ERBB4: variants seen among roughly 807,000 people sequenced by gnomAD.
The protein encoded by ERBB4 is erb-b2 receptor tyrosine kinase 4, also known as receptor tyrosine-protein kinase erbB-4.
In ERBB4, 42 loss-of-function variants were observed where a neutral mutation model predicts 158.0. That is an observed-to-expected ratio of 0.27 (90% CI 0.21 to 0.34). The LOEUF is 0.34. Among genes scored for constraint, ERBB4 ranks in the 10% least tolerant of loss-of-function variants. ERBB4 has a pLI of 1.00. For synonymous variants in ERBB4, 583 were observed against 558.7 expected, an observed-to-expected ratio of 1.04 and a Z score of -0.61; for missense variants, 1,333 against 1,624.1, an observed-to-expected ratio of 0.82 and a Z score of 3.08.
At chr2:211,619,008 A>T (rs899905655) in intron 19 of ERBB4, among the ~76,000 whole-genome samples, 169 bp downstream of exon 19, 3 of 152,158 alleles carry the variant, frequency 2.0e-5, no homozygotes, top group African/African-American at 7.2e-5. Flanking sequence ...TGATCTAAAA[A>T]GTATAATACA....
chr2:212,171,290 C>G (rs886677688), intron 1 of ERBB4, among the ~76,000 whole-genome samples: 2 of 151,420 alleles, frequency 1.3e-5, no homozygotes, highest in Non-Finnish European at 1.5e-5. Flanking sequence ...ATCCAATGCC[C>G]ATACCCCCAT....
At chr2:212,510,232 T>TATATAA (rs1442208413) in intron 1 of ERBB4, among the ~76,000 whole-genome samples, 3 of 144,508 alleles carry the variant, frequency 2.1e-5, no homozygotes, top group African/African-American at 5.1e-5. Context: ...TATATATATA[T>TATATAA]AACTACTCCC....
At chr2:211,719,383 A>G (rs961375308) in intron 7 of ERBB4, among the ~76,000 whole-genome samples, 3 of 152,128 alleles carry the variant, frequency 2.0e-5, no homozygotes, top group African/African-American at 7.2e-5. Flanking sequence ...TTTCCAAGTA[A>G]CCACCTTTTT....
chr2:211,512,131 C>A (rs1038472965), intron 20 of ERBB4, among the ~76,000 whole-genome samples: 2 of 152,112 alleles, frequency 1.3e-5, no homozygotes, highest in African/African-American at 4.8e-5. Flanking sequence ...AAACTGGCAA[C>A]ATTCAATTTG....
At chr2:211,989,839 T>C (rs1339219385) in intron 2 of ERBB4, among the ~76,000 whole-genome samples, 1 of 152,056 alleles carries the variant, frequency 6.6e-6, no homozygotes, top group Non-Finnish European at 1.5e-5. Flanking sequence ...TCCACCCATG[T>C]CTTACTTGAA....
At chr2:211,563,075 G>A (rs1454139199) in intron 19 of ERBB4, among the ~76,000 whole-genome samples, 3 of 152,110 alleles carry the variant, frequency 2.0e-5, no homozygotes, top group Non-Finnish European at 4.4e-5. Context: ...AGAAAACTGA[G>A]TTATAATTTT....
chr2:211,608,809 T>C (rs1015184857), intron 19 of ERBB4, among the ~76,000 whole-genome samples: 2 of 152,146 alleles, frequency 1.3e-5, no homozygotes, highest in African/African-American at 2.4e-5. Context: ...AGGATATTAG[T>C]GCAAATAAAA....
At chr2:212,035,635 A>C (rs1236952866) in intron 2 of ERBB4, among the ~76,000 whole-genome samples, 1 of 152,156 alleles carries the variant, frequency 6.6e-6, no homozygotes, top group East Asian at 1.9e-4. Context: ...TTAGACCATA[A>C]AATCTTTGAT....
At chr2:211,628,944 G>A (rs1440986548) in intron 17 of ERBB4, among the ~76,000 whole-genome samples, 1 of 152,132 alleles carries the variant, frequency 6.6e-6, no homozygotes, top group Non-Finnish European at 1.5e-5. Context: ...TTTTTCATGT[G>A]TCTTTTGGCT....
intron 20 of ERBB4, among the ~76,000 whole-genome samples, chr2:211,561,597 C>A (rs935468854): frequency 2.6e-5 from 4 of 152,182 alleles, no homozygotes; most frequent in Non-Finnish European, 5.9e-5. Context: ...GTTAACTAGA[C>A]TATACCGAAA....
intron 14 of ERBB4, among the ~76,000 whole-genome samples, chr2:211,666,811 CATT>C (rs1192210346): frequency 2.0e-5 from 3 of 152,132 alleles, no homozygotes; most frequent in Non-Finnish European, 4.4e-5. Flanking sequence ...GTTCAACAAT[CATT>C]ATAGTTCACA....
At chr2:212,289,262 A>G (rs968912683) in intron 1 of ERBB4, among the ~76,000 whole-genome samples, 1 of 152,202 alleles carries the variant, frequency 6.6e-6, no homozygotes, top group African/African-American at 2.4e-5. Context: ...TTTTTTAAAT[A>G]CTCATACAAT....
chr2:212,206,638 C>G (rs2082763035), intron 1 of ERBB4, among the ~76,000 whole-genome samples: 1 of 136,640 alleles, frequency 7.3e-6, no homozygotes, highest in Non-Finnish European at 1.6e-5. Flanking sequence ...CCCAGGCCAA[C>G]TGCAGTGGTG....
chr2:211,932,978 G>A (rs900092006), intron 3 of ERBB4, among the ~76,000 whole-genome samples: 1 of 151,994 alleles, frequency 6.6e-6, no homozygotes, highest in Non-Finnish European at 1.5e-5. Flanking sequence ...TAAAACGATT[G>A]AATAGTTACT....
chr2:212,179,677 T>C (rs2081793652), intron 1 of ERBB4, among the ~76,000 whole-genome samples: 1 of 151,568 alleles, frequency 6.6e-6, no homozygotes, highest in Admixed American at 6.6e-5. Flanking sequence ...CAAGTGCTAA[T>C]ATGAATGTAA....
At chr2:211,943,646 T>G (rs543277791) in intron 3 of ERBB4, among the ~76,000 whole-genome samples, 48 of 152,184 alleles carry the variant, frequency 3.2e-4, no homozygotes, top group African/African-American at 1.1e-3. Context: ...ATTTTTAGTC[T>G]AGGCACCTGC....
intron 1 of ERBB4, among the ~76,000 whole-genome samples, chr2:212,316,804 T>C (rs569654459): frequency 1.3e-5 from 2 of 151,678 alleles, no homozygotes; most frequent in African/African-American, 2.4e-5. Flanking sequence ...ACCACTGACA[T>C]GTACACTCTA....
chr2:212,267,727 C>T (rs1042486540), intron 1 of ERBB4, among the ~76,000 whole-genome samples: 2 of 150,726 alleles, frequency 1.3e-5, no homozygotes, highest in East Asian at 3.9e-4. Context: ...TTAGGTGTAT[C>T]TCCTAATGCT....
intron 20 of ERBB4, among the ~76,000 whole-genome samples, chr2:211,444,431 CTAT>C (rs1159797568): frequency 6.6e-6 from 1 of 152,030 alleles, no homozygotes; most frequent in African/African-American, 2.4e-5. Flanking sequence ...CTTAAGTTAT[CTAT>C]AATTGAATCT....
Sources: gnomAD v4.1 joint callset for allele counts (sites outside exome capture counted in the v4.1 genomes callset) on GRCh38, gnomAD v4.1.1 for gene constraint, MANE v1.5 for transcripts, NCBI Gene and HGNC (gene_info 2026-07-23, HGNC 2026-07-21) for gene names.